ZNF333: variants seen among roughly 807,000 people sequenced by gnomAD.
ZNF333 encodes zinc finger protein 333.
A neutral mutation model predicts 76.1 loss-of-function variants in ZNF333; 61 were observed. The ratio of observed to expected loss-of-function variants is 0.80; its 90% CI spans 0.65 to 0.99. The LOEUF is 0.99. ZNF333 is among the 50% of genes least tolerant of loss of function. The pLI, the probability that ZNF333 is intolerant of heterozygous loss-of-function variation, is 0.00. For missense variants in ZNF333, 717 were observed against 822.4 expected, an observed-to-expected ratio of 0.87 and a Z score of 1.57; for synonymous variants, 284 against 305.0, an observed-to-expected ratio of 0.93 and a Z score of 0.72.
chr19:14,692,382 G>C lies in ZNF333; in HGVS notation c.-41-1069G>C, dbSNP rs373013170. Among the ~76,000 whole-genome samples, 6 of 152,302 alleles carry C rather than the reference G, an allele frequency of 3.9e-5. No individual in the cohort carries two copies. In the East Asian group the frequency reaches 1.2e-3, roughly 29 times the overall value. On this transcript the variant is annotated intron_variant, in intron 1 of 11. Transcript: ENST00000292530. ...TGTACAGTCTTTCAGGCAGTACGAA[G>C]CCTGCTGTGTTCCAGGAGCTGAGAA...
chr19:14,718,461 C>T lies in ZNF333; in HGVS notation c.1134C>T (p.Ser378=). ...AATGTGAAAAATCCTTCAGATACAG[C>T]TCTGACCTTATCAGGCATGAGAAGA... The part of the protein sequence containing the change: ...CNKCEKSFRY[S]SDLIRHEKTH... Residue 378 remains serine (S), a synonymous_variant, in exon 12 of 12, where the codon AGC becomes AGT. Transcript: ENST00000292530. 2 of 1,614,206 alleles carry T rather than the reference C, an allele frequency of 1.2e-6. No homozygotes were observed. Among genetic ancestry groups the T allele is most frequent in the Non-Finnish European group, 1.7e-6 (2 of 1,180,036 alleles).
chr19:14,724,586 T>A (rs1278254833), downstream of ZNF333, among the ~76,000 whole-genome samples: 1 of 152,114 alleles, frequency 6.6e-6, no homozygotes, highest in Non-Finnish European at 1.5e-5. Flanking sequence ...GCCAACATGG[T>A]GAAGCTCCAT....
At chr19:14,693,834 G>T (rs1972950337) in intron 2 of ZNF333, among the ~76,000 whole-genome samples, 1 of 152,060 alleles carries the variant, frequency 6.6e-6, no homozygotes, top group Non-Finnish European at 1.5e-5. Context: ...AGTACATTTA[G>T]CCGGGCATGG....
At chr19:14,722,669 A>G (rs2042603288), downstream of ZNF333, among the ~76,000 whole-genome samples, 2 of 152,212 alleles carry the variant, frequency 1.3e-5, no homozygotes, top group Admixed American at 1.3e-4. Context: ...CCAAAAAATC[A>G]TTGCAAATCT....
chr19:14,698,865 A>C (rs1973433530), intron 4 of ZNF333, among the ~76,000 whole-genome samples: 1 of 134,154 alleles, frequency 7.5e-6, no homozygotes, highest in Non-Finnish European at 1.6e-5. Flanking sequence ...CAAAAAACAA[A>C]AAACATGTAT....
downstream of ZNF333, among the ~76,000 whole-genome samples, chr19:14,723,230 A>G (rs143366341): frequency 5.3e-5 from 8 of 152,350 alleles, no homozygotes; most frequent in East Asian, 1.2e-3. Flanking sequence ...TCATTTGACT[A>G]TAAATGTGAG....
At chr19:14,699,588 G>C (rs1218927645) in intron 5 of ZNF333, among the ~76,000 whole-genome samples, 3 of 151,972 alleles carry the variant, frequency 2.0e-5, no homozygotes, top group African/African-American at 4.8e-5. Context: ...AGCCTCCCGA[G>C]TAGTTGGGAC....
At chr19:14,698,899 G>GAGATATATATAT (rs1373655405) in intron 4 of ZNF333, among the ~76,000 whole-genome samples, 1 of 132,710 alleles carries the variant, frequency 7.5e-6, no homozygotes, top group Non-Finnish European at 1.6e-5. Flanking sequence ...CACAAATATA[G>GAGATATATATAT]ATATATATAT....
chr19:14,706,153 C>T (rs1952938202), intron 6 of ZNF333: 2 of 457,482 alleles, frequency 4.4e-6, no homozygotes, highest in Non-Finnish European at 8.8e-6. Context: ...TCCTGGACTC[C>T]AGTTCTGCTC....
Position 14,715,065 on chromosome 19 carries a change from G to A in ZNF333, c.512-317G>A, listed in dbSNP as rs145978494. The A allele has an allele frequency of 3.0e-3, 757 of 251,678 alleles. 10 individuals are homozygous for A. The highest frequency in any genetic ancestry group is 0.016 in the African/African-American group (713 of 43,352). The allele number at this position is 251,678 out of a possible 1,614,324, so 15.6% of individuals were successfully genotyped here. The stretch of plus-strand genomic sequence containing the variant: ...TGTGTGTGTGTGTGTGTGTGTGCAC[G>A]TCTATATGTCTCTTTGTGTGCTGGT... On this transcript the variant is annotated intron_variant, in intron 7 of 11. Transcript: ENST00000292530.
At chr19:14,696,342 C>T (rs1036357689) in intron 4 of ZNF333, among the ~76,000 whole-genome samples, 8 of 152,092 alleles carry the variant, frequency 5.3e-5, no homozygotes, top group Non-Finnish European at 1.0e-4. Flanking sequence ...GCAGTTACTC[C>T]CCATTACCCC....
intron 7 of ZNF333, 194 bp downstream of exon 7, chr19:14,706,967 A>C (rs1485917205): frequency 1.9e-6 from 1 of 525,646 alleles, no homozygotes; most frequent in African/African-American, 2.0e-5. Context: ...ACAGATCTTT[A>C]AGAAAGAGAG....
At chr19:14,733,642 T>A (rs2042700369) in exon 12 of ZNF333, 1 of 152,252 alleles carries the variant, frequency 6.6e-6, no homozygotes, top group African/African-American at 2.4e-5. Context: ...CCACCCTAAA[T>A]CCTTAAACAC....
At chr19:14,723,531 G>A (rs1413765307), downstream of ZNF333, among the ~76,000 whole-genome samples, 2 of 152,172 alleles carry the variant, frequency 1.3e-5, no homozygotes, top group South Asian at 2.1e-4. Context: ...TTTCAGCAAT[G>A]CTTTTTAGCT....
intron 11 of ZNF333, among the ~76,000 whole-genome samples, chr19:14,729,753 G>A (rs964876961): frequency 1.3e-5 from 2 of 152,176 alleles, no homozygotes; most frequent in Non-Finnish European, 2.9e-5. Flanking sequence ...AAAATGCTAA[G>A]AGAGTGGATG....
chr19:14,732,290 C>G (rs1344628081), exon 12 of ZNF333: 1 of 143,122 alleles, frequency 7.0e-6, no homozygotes, highest in Non-Finnish European at 1.6e-5. Context: ...TAGGAATAAA[C>G]TATTTTTAAA....
intron 11 of ZNF333, among the ~76,000 whole-genome samples, chr19:14,730,156 G>T (rs2147049630): frequency 6.6e-6 from 1 of 152,320 alleles, no homozygotes; most frequent in South Asian, 2.1e-4. Flanking sequence ...AGGTTCAAGT[G>T]ATTCTTCTGC....
downstream of ZNF333, among the ~76,000 whole-genome samples, chr19:14,723,152 T>G (rs1273678936): frequency 6.6e-6 from 1 of 152,148 alleles, no homozygotes; most frequent in Admixed American, 6.6e-5. Flanking sequence ...GCATATCCAG[T>G]TTTCCCAGCA....
chr19:14,724,421 C>G (rs767501362), downstream of ZNF333, among the ~76,000 whole-genome samples: 6 of 152,132 alleles, frequency 3.9e-5, no homozygotes, highest in Non-Finnish European at 7.4e-5. Flanking sequence ...ATGGCTCACA[C>G]GAGGATGGGT....
Sources: gnomAD v4.1 joint callset for allele counts (sites outside exome capture counted in the v4.1 genomes callset) on GRCh38, gnomAD v4.1.1 for gene constraint, MANE v1.5 for transcripts, NCBI Gene and HGNC (gene_info 2026-07-23, HGNC 2026-07-21) for gene names.